Variants in TRPM7 observed in about 807,000 individuals in gnomAD.
The protein encoded by TRPM7 is transient receptor potential cation channel subfamily M member 7, also known as LTRPC ion channel family member 7.
A neutral mutation model predicts 229.7 loss-of-function variants in TRPM7; 134 were observed. The observed-to-expected ratio is 0.58, with a 90% CI of 0.51 to 0.67. The LOEUF (loss-of-function observed/expected upper bound fraction) is 0.67, where lower values mean the gene tolerates loss of function less well. Among genes scored for constraint, TRPM7 ranks in the 30% least tolerant of loss-of-function variants. TRPM7 has a pLI of 0.00. For synonymous variants in TRPM7, 699 were observed against 715.2 expected (o/e 0.98, Z 0.36); for missense variants, 1,901 against 2,210.0 (o/e 0.86, Z 2.80).
At chr15:50,636,429 G>A (rs2060909932) in intron 7 of TRPM7, among the ~76,000 whole-genome samples, 1 of 152,106 alleles carries the variant, frequency 6.6e-6, no homozygotes, top group Non-Finnish European at 1.5e-5. Context: ...GACCTCAGGT[G>A]ATCCACCCAC....
Position 50,609,974 on chromosome 15 carries a change from A to C in TRPM7, c.2281-13T>G, listed in dbSNP as rs1193723041. On this transcript the variant is annotated splice_polypyrimidine_tract_variant and intron_variant, in intron 17 of 38. Coordinates refer to ENST00000646667, the MANE Select transcript of TRPM7 (RefSeq NM_017672.6). ...TGCTTAGTATGACCTAAATTTTTAG[A>C]AACATAATTTTGCATTTAAAAATTA... The C allele has an allele frequency of 6.5e-7, 1 of 1,543,526 alleles. No individual in the cohort carries two copies. Among genetic ancestry groups the C allele is most frequent in the Non-Finnish European group, 8.8e-7 (1 of 1,141,634 alleles).
intron 1 of TRPM7, among the ~76,000 whole-genome samples, chr15:50,681,347 A>G (rs1224994881): frequency 6.6e-6 from 1 of 151,948 alleles, no homozygotes; most frequent in Non-Finnish European, 1.5e-5. Context: ...CTAATGCAAA[A>G]ATGTGCCTAA....
At chr15:50,678,516 AAAT>A (rs1263131109) in intron 1 of TRPM7, among the ~76,000 whole-genome samples, 3,877 of 98,972 alleles carry the variant, frequency 0.039, 72 homozygotes, top group Non-Finnish European at 0.054. Context: ...TAAAAAAAAA[AAAT>A]ATATATATAT....
At chr15:50,668,815 G>C (rs1386559595) in intron 1 of TRPM7, among the ~76,000 whole-genome samples, 5 of 152,028 alleles carry the variant, frequency 3.3e-5, no homozygotes, top group African/African-American at 1.2e-4. Context: ...GCCTACAATA[G>C]ATATTTGTAT....
intron 15 of TRPM7, among the ~76,000 whole-genome samples, 181 bp downstream of exon 15, chr15:50,613,526 G>T (rs2060123604): frequency 7.2e-6 from 1 of 138,542 alleles, no homozygotes; most frequent in South Asian, 2.3e-4. Flanking sequence ...AAAAAAAAAG[G>T]AACAGAATCA....
intron 38 of TRPM7, among the ~76,000 whole-genome samples, chr15:50,563,287 CA>C (rs1480491340): frequency 2.0e-5 from 3 of 152,208 alleles, no homozygotes; most frequent in Non-Finnish European, 4.4e-5. Flanking sequence ...TTGCCCTTTA[CA>C]GAAGTTTGCT....
chr15:50,643,392 A>C lies in TRPM7; in HGVS notation c.483T>G (p.Ile161Met). Reference sequence around the variant, plus strand: ...AGGCTCCAGTTGTAACTGCAGCTTTAATAAGACCTTTTCCAAGCAACTGCT... The same window carrying C: ...AGGCTCCAGTTGTAACTGCAGCTTTCATAAGACCTTTTCCAAGCAACTGCT... ...RIKQLLGKGLIKAAVTTGAWI... is the reference protein window; with the variant it reads ...RIKQLLGKGLMKAAVTTGAWI... Residue 161 changes from isoleucine (I) to methionine (M), a missense_variant, in exon 5 of 39, where the codon ATT becomes ATG. Coordinates refer to ENST00000646667, the MANE Select transcript of TRPM7 (RefSeq NM_017672.6). 1 of 1,614,178 alleles carries C rather than the reference A, an allele frequency of 6.2e-7. No individual in the cohort carries two copies. The highest frequency in any genetic ancestry group is 1.6e-4 in the Middle Eastern group (1 of 6,062).
In TRPM7 at chr15:50,637,491, T is replaced by C. The variant is rs748400639; in HGVS notation, c.763A>G (p.Lys255Glu). 1.9e-6 allele frequency: 3 copies of C among 1,614,014 alleles called. No homozygotes were observed. The highest frequency in any genetic ancestry group is 3.3e-5 in the Admixed American group (2 of 60,002). The change falls in exon 7 of 39, where the codon AAG becomes GAG. Residue 255 changes from lysine (K) to glutamate (E), a missense_variant. Lys to Glu is a moderately conservative substitution (Grantham distance 56, BLOSUM62 1). Transcript: ENST00000646667. The part of the protein sequence containing the change: ...FILVDDGTVG[K>E]YGAEVRLRRE... ...CTCAGTCTGACTTCCGCCCCATACT[T>C]TCCAACAGTGCCATCATCCACCAAT...
chr15:50,613,046 T>G (rs1448778202), intron 15 of TRPM7, among the ~76,000 whole-genome samples: 1 of 152,196 alleles, frequency 6.6e-6, no homozygotes, highest in African/African-American at 2.4e-5. Context: ...TTTCCAAAAT[T>G]TAAGGGCCTA....
chr15:50,562,650 T>C lies in TRPM7; in HGVS notation c.5468-842A>G, dbSNP rs374407000. On this transcript the variant is annotated intron_variant, in intron 38 of 38. Coordinates refer to ENST00000646667, the MANE Select transcript of TRPM7 (RefSeq NM_017672.6). The stretch of plus-strand genomic sequence containing the variant: ...AGCCAGGTGTGGTGATGTGCGCCTG[T>C]AGTCCCAGCTACTCAGAAGGCCGAG... Among the ~76,000 whole-genome samples the C allele has an allele frequency of 1.0e-3, 157 of 151,912 alleles. 4 individuals are homozygous for C. The South Asian group carries it at 0.025, about 24-fold the overall frequency.
rs2053214074 is a variant in TRPM7 at position 50,558,882 on chromosome 15, G to A, written c.*2796C>T. On this transcript the variant is annotated 3_prime_UTR_variant, in exon 39 of 39. Coordinates refer to ENST00000646667, the MANE Select transcript of TRPM7 (RefSeq NM_017672.6). Reference sequence around the variant, plus strand: ...CACTCCAGCCTGGGCAACAGAGCAAGAGGTTGTCTTTTTTTTTTTTTTCTT... The same window carrying A: ...CACTCCAGCCTGGGCAACAGAGCAAAAGGTTGTCTTTTTTTTTTTTTTCTT... 1 of 151,282 alleles carries A rather than the reference G, an allele frequency of 6.6e-6. No individual in the cohort carries two copies. The allele number at this position is 151,282 out of a possible 1,614,324, so 9.4% of individuals were successfully genotyped here.
intron 38 of TRPM7, among the ~76,000 whole-genome samples, chr15:50,569,002 A>C (rs2053746019): frequency 6.6e-6 from 1 of 151,940 alleles, no homozygotes; most frequent in African/African-American, 2.4e-5. Context: ...CAAATAAACA[A>C]ACAAACAAAC....
At position 50,643,373 on chromosome 15, in the gene TRPM7, C is replaced by T. The variant is rs2061162671; in HGVS notation, c.502G>A (p.Gly168Arg). ...KGLIKAAVTT[G>R]AWILTGGVNT... is the part of the protein sequence containing the mutation. Reference sequence around the variant, plus strand: ...ACTCCTCCAGTTAAAATCCAGGCTCCAGTTGTAACTGCAGCTTTAATAAGA... The same window carrying T: ...ACTCCTCCAGTTAAAATCCAGGCTCTAGTTGTAACTGCAGCTTTAATAAGA... The change falls in exon 5 of 39, where the codon GGA (glycine) becomes AGA (arginine). Residue 168 changes from glycine (G) to arginine (R), a missense_variant. This residue lies in a region of TRPM7 where 794 missense variants were observed against 881.9 expected (regional missense o/e 0.90). Coordinates refer to ENST00000646667, the MANE Select transcript of TRPM7 (RefSeq NM_017672.6). The T allele has an allele frequency of 1.2e-6, 2 of 1,614,004 alleles. No homozygotes were observed. Among genetic ancestry groups the T allele is most frequent in the Non-Finnish European group, 1.7e-6 (2 of 1,180,008 alleles).
chr15:50,613,715 G>A lies in TRPM7; in HGVS notation c.1762C>T (p.Arg588Ter). Residue 588 changes from arginine to a stop codon, truncating the protein, a stop_gained, in exon 15 of 39, where the codon CGA becomes TGA. Transcript: ENST00000646667. LOFTEE classifies it high-confidence loss of function. ...NHFIKTAQPY[R>*]PKIDTVMEEG... ...TATTTAAATAAATTTACCTTTGGTC[G>A]GTAGGGCTGTGCTGTCTTAATGAAA... 3.2e-6 allele frequency: 5 copies of A among 1,577,548 alleles called. No individual in the cohort carries two copies. The highest frequency in any genetic ancestry group is 1.4e-5 in the African/African-American group (1 of 73,066).
chr15:50,562,855 G>A (rs919321574), intron 38 of TRPM7, among the ~76,000 whole-genome samples: 6 of 151,944 alleles, frequency 3.9e-5, no homozygotes, highest in Non-Finnish European at 5.9e-5. Flanking sequence ...TAGGGTGATT[G>A]TTTCAAACAG....
intron 36 of TRPM7, among the ~76,000 whole-genome samples, chr15:50,573,348 A>T (rs913651843): frequency 1.3e-5 from 2 of 152,220 alleles, no homozygotes. Context: ...TGAAACTACC[A>T]TGCTGTGAGC....
intron 1 of TRPM7, among the ~76,000 whole-genome samples, chr15:50,680,569 CAA>C (rs34276298): frequency 3.8e-5 from 4 of 106,600 alleles, no homozygotes; most frequent in Admixed American, 1.0e-4. Context: ...ACACTTGTCT[CAA>C]AAAAAAAAAA....
intron 4 of TRPM7, among the ~76,000 whole-genome samples, chr15:50,645,443 C>T (rs567045250): frequency 6.6e-6 from 1 of 152,256 alleles, no homozygotes; most frequent in Admixed American, 6.5e-5. Context: ...TCTCCTGCCT[C>T]AGCCTCCTAA....
At chr15:50,594,842 T>C (rs998854286) in intron 23 of TRPM7, among the ~76,000 whole-genome samples, 1 of 152,250 alleles carries the variant, frequency 6.6e-6, no homozygotes, top group Admixed American at 6.5e-5. Context: ...AAATATTGTA[T>C]GTAAATGGGT....
Sources: allele counts gnomAD v4.1 joint callset (sites outside exome capture counted in the v4.1 genomes callset), GRCh38; gene constraint gnomAD v4.1.1; regional missense constraint gnomAD v4.1.1; transcripts MANE v1.5; gene names NCBI Gene and HGNC (gene_info 2026-07-23, HGNC 2026-07-21).